Variants in TBC1D8 observed in about 807,000 individuals in gnomAD.
TBC1D8 encodes the protein BUB2-like protein 1.
Under a neutral mutation model 118.8 loss-of-function variants are expected in TBC1D8, and 65 were observed. That is an observed-to-expected ratio of 0.55 (90% CI 0.45 to 0.67). The LOEUF (loss-of-function observed/expected upper bound fraction) is 0.67, where lower values mean the gene tolerates loss of function less well. Ranked by LOEUF, TBC1D8 falls within the 30% of genes least tolerant of loss-of-function variation. TBC1D8 has a pLI of 0.00. For missense variants in TBC1D8, 1,376 were observed against 1,471.2 expected (o/e 0.94, Z 1.06); for synonymous variants, 566 against 595.8 (o/e 0.95, Z 0.73).
rs1207278537 is a variant in TBC1D8 at position 101,113,116 on chromosome 2, T to C, written c.128-22752A>G. On this transcript the variant is annotated intron_variant, in intron 1 of 19. Transcript: ENST00000409318. ...CCCAAAATCACATCAAGAGAACCAG[T>C]TATAAAGAATATCTTTCCCAAAAAC... is the stretch of plus-strand genomic sequence containing the variant. Among the ~76,000 whole-genome samples, 29 of 152,124 alleles carry C rather than the reference T, an allele frequency of 1.9e-4. 1 individual carries two copies. Among genetic ancestry groups the C allele is most frequent in the Non-Finnish European group, 4.3e-4 (29 of 68,026 alleles).
chr2:101,109,438 G>A (rs898910569), intron 1 of TBC1D8, among the ~76,000 whole-genome samples: 1 of 152,070 alleles, frequency 6.6e-6, no homozygotes, highest in Non-Finnish European at 1.5e-5. Flanking sequence ...AATTTCAAAC[G>A]GGTCAAAGAC....
intron 1 of TBC1D8, among the ~76,000 whole-genome samples, chr2:101,118,428 G>A (rs1323789857): frequency 6.6e-6 from 1 of 152,200 alleles, no homozygotes; most frequent in Admixed American, 6.5e-5. Flanking sequence ...CGGGCACAGT[G>A]GCTCATGCCT....
At chr2:101,112,470 A>G (rs1011247286) in intron 1 of TBC1D8, among the ~76,000 whole-genome samples, 1 of 152,222 alleles carries the variant, frequency 6.6e-6, no homozygotes, top group Non-Finnish European at 1.5e-5. Flanking sequence ...AAGGAAAACC[A>G]AGATGTCACA....
intron 2 of TBC1D8, 22 bp downstream of exon 2, chr2:101,090,187 T>C: frequency 6.2e-7 from 1 of 1,603,600 alleles, no homozygotes; most frequent in Non-Finnish European, 8.5e-7. Flanking sequence ...GTTTGGAACA[T>C]TCCAACTGGA....
chr2:101,029,978 G>A (rs1297906748), intron 11 of TBC1D8: 11 of 513,720 alleles, frequency 2.1e-5, no homozygotes, highest in Non-Finnish European at 3.7e-5. Context: ...AAAAAATACT[G>A]CTTGATCAGC....
chr2:101,007,687 G>GTT lies in TBC1D8; in HGVS notation c.*132_*133dup. ...GGTTGTGTCGGTTCCCCTGGCCACA[G>GTT]TTTGTCAGGTTGTTTAGCCAGATGC... On this transcript the variant is annotated 3_prime_UTR_variant, in exon 20 of 20. Transcript: ENST00000409318. 1.1e-6 allele frequency: 1 copy of GTT among 900,180 alleles called. No individual in the cohort carries two copies. The highest frequency in any genetic ancestry group is 1.7e-6 in the Non-Finnish European group (1 of 585,288). 55.8% of individuals were successfully genotyped at this position (900,180 alleles called of 1,614,324 possible).
intron 1 of TBC1D8, among the ~76,000 whole-genome samples, chr2:101,123,675 T>C (rs1282646090): frequency 1.3e-5 from 2 of 152,218 alleles, no homozygotes; most frequent in Non-Finnish European, 2.9e-5. Flanking sequence ...AGGACCAGTA[T>C]ACTGTCACAG....
At chr2:101,035,985 A>G in intron 9 of TBC1D8, 33 bp downstream of exon 9, 1 of 1,611,246 alleles carries the variant, frequency 6.2e-7, no homozygotes, top group Non-Finnish European at 8.5e-7. Context: ...TGACAAAAAG[A>G]ACAATTAGCT....
intron 3 of TBC1D8, among the ~76,000 whole-genome samples, chr2:101,057,091 C>T (rs1682481487): frequency 6.6e-6 from 1 of 152,174 alleles, no homozygotes; most frequent in African/African-American, 2.4e-5. Flanking sequence ...CAAAATATGC[C>T]ACTTTGGCAT....
At chr2:101,141,805 A>G (rs12053341) in intron 1 of TBC1D8, among the ~76,000 whole-genome samples, 21,099 of 146,766 alleles carry the variant, frequency 0.14, 1,798 homozygotes, top group East Asian at 0.26. Flanking sequence ...GAAGGCGCGC[A>G]CACACACACA....
intron 1 of TBC1D8, among the ~76,000 whole-genome samples, chr2:101,130,470 T>G (rs539857365): frequency 6.6e-6 from 1 of 152,292 alleles, no homozygotes; most frequent in South Asian, 2.1e-4. Flanking sequence ...TTTGATCCTG[T>G]CACAGAGCTT....
At chr2:101,127,969 T>C (rs185786851) in intron 1 of TBC1D8, among the ~76,000 whole-genome samples, 40 of 152,342 alleles carry the variant, frequency 2.6e-4, no homozygotes, top group Admixed American at 2.5e-3. Context: ...CTGTCCCAGA[T>C]ACTTCAGATC....
In TBC1D8 at chr2:101,021,888, G is replaced by A. The variant is rs541193636; in HGVS notation, c.2762-142C>T. The stretch of plus-strand genomic sequence containing the variant: ...CCTGCCCCAGACACACACCATGGTA[G>A]CAATGAAAGTGTTAAAGACTGGGCT... On this transcript the variant is annotated intron_variant, in intron 16 of 19. Transcript: ENST00000409318. 31 of 641,020 alleles carry A rather than the reference G, an allele frequency of 4.8e-5. No individual in the cohort carries two copies. The South Asian group carries it at 6.1e-4, about 13-fold the overall frequency. 39.7% of individuals were successfully genotyped at this position (641,020 alleles called of 1,614,324 possible).
intron 11 of TBC1D8, among the ~76,000 whole-genome samples, 156 bp downstream of exon 11, chr2:101,032,112 G>A (rs144444614): frequency 6.6e-5 from 10 of 152,166 alleles, no homozygotes; most frequent in Admixed American, 4.6e-4. Context: ...AGAATGTCCC[G>A]AGTTAGTTTT....
intron 2 of TBC1D8, chr2:101,068,453 A>C: frequency 2.8e-6 from 1 of 354,588 alleles, no homozygotes; most frequent in Non-Finnish European, 5.1e-6. Flanking sequence ...AGATATAGCG[A>C]AAGTGAAGTC....
chr2:101,076,127 C>T (rs908613483), intron 2 of TBC1D8, among the ~76,000 whole-genome samples: 8 of 152,178 alleles, frequency 5.3e-5, no homozygotes, highest in Non-Finnish European at 1.0e-4. Context: ...CAAAAGGAGG[C>T]ATTTTACCCC....
chr2:101,008,343 C>G (rs1005384774), intron 19 of TBC1D8, 70 bp from the exon 20 acceptor site: 20 of 1,246,926 alleles, frequency 1.6e-5, no homozygotes, highest in Non-Finnish European at 2.0e-5. Context: ...TTTAAACATA[C>G]CTGTGAGCTT....
In TBC1D8 at chr2:101,092,659, C is replaced by A. The variant is rs540834471; in HGVS notation, c.128-2295G>T. Among the ~76,000 whole-genome samples, 5 of 152,234 alleles carry A rather than the reference C, an allele frequency of 3.3e-5. 1 individual carries two copies. In the Middle Eastern group the frequency reaches 0.014, roughly 414 times the overall value. ...AACCCCTTCAAGCAGGCTTTTGTGT[C>A]CTTCGGATGTGTCCTCATCGTTCTT... On this transcript the variant is annotated intron_variant, in intron 1 of 19. Transcript: ENST00000409318.
At position 101,151,268 on chromosome 2, in the gene TBC1D8, C is replaced by T. The variant is rs1187687011; in HGVS notation, c.-15G>A. 1.8e-6 allele frequency: 2 copies of T among 1,139,120 alleles called. No individual in the cohort carries two copies. The highest frequency in any genetic ancestry group is 1.7e-5 in the African/African-American group (1 of 60,204). The allele number at this position is 1,139,120 out of a possible 1,614,324, so 70.6% of individuals were successfully genotyped here. The stretch of plus-strand genomic sequence containing the variant: ...TTGAGCCACATCGCGGCGGTCCGGC[C>T]GCGCCCGCCGGCCCCAGCTCACATC... On this transcript the variant is annotated 5_prime_UTR_variant, in exon 1 of 20. Transcript: ENST00000409318.
Sources: gnomAD v4.1 joint callset for allele counts (sites outside exome capture counted in the v4.1 genomes callset) on GRCh38, gnomAD v4.1.1 for gene constraint, MANE v1.5 for transcripts, NCBI Gene and HGNC (gene_info 2026-07-23, HGNC 2026-07-21) for gene names.